The following SLC44A5 variants were observed in gnomAD, a reference collection of about 807,000 sequenced individuals.
SLC44A5 encodes the protein solute carrier family 44 member 5.
A neutral mutation model predicts 101.8 loss-of-function variants in SLC44A5; 57 were observed. The observed-to-expected ratio is 0.56, with a 90% CI of 0.45 to 0.70. The LOEUF is 0.70. Ranked by LOEUF, SLC44A5 falls within the 30% of genes least tolerant of loss-of-function variation. SLC44A5 has a pLI of 0.00. For missense variants in SLC44A5, 737 were observed against 853.1 expected (o/e 0.86, Z 1.70); for synonymous variants, 281 against 290.9 (o/e 0.97, Z 0.35).
At position 75,348,020 on chromosome 1, in the gene SLC44A5, T is replaced by G. The variant is rs1658379789; in HGVS notation, c.53-8390A>C. 2.0e-5 allele frequency among the ~76,000 whole-genome samples: 3 copies of G among 152,186 alleles called. No homozygotes were observed. The South Asian group carries it at 6.2e-4, about 32-fold the overall frequency. ...AAGGAAAACCTAGCATTTAAGAAAA[T>G]GGATTTGCCTCATATTCTTCCATGA... On this transcript the variant is annotated intron_variant, in intron 3 of 23. Transcript: ENST00000370859.
At chr1:75,647,305 C>A in the SLC44A5 span, among the ~76,000 whole-genome samples, 1 of 152,182 alleles carries the variant, frequency 6.6e-6, no homozygotes, top group South Asian at 2.1e-4. Flanking sequence ...TGGGAACCTC[C>A]ACCTAAATTT....
chr1:75,438,252 GT>G (rs1216408838), intron 2 of SLC44A5, among the ~76,000 whole-genome samples: 4 of 152,138 alleles, frequency 2.6e-5, no homozygotes, highest in Admixed American at 6.6e-5. Flanking sequence ...GACAAGTGTA[GT>G]TTTACGACAT....
chr1:75,627,751 T>G, the SLC44A5 span, among the ~76,000 whole-genome samples: 644 of 151,910 alleles, frequency 4.2e-3, 2 homozygotes, highest in Non-Finnish European at 7.2e-3. Flanking sequence ...ACTTTTTAAT[T>G]GAAGAGCTGT....
intron 2 of SLC44A5, among the ~76,000 whole-genome samples, chr1:75,482,148 T>C (rs975977831): frequency 3.9e-5 from 6 of 152,030 alleles, no homozygotes; most frequent in African/African-American, 1.5e-4. Flanking sequence ...GAAATCATCA[T>C]TCTCAGTAAA....
At chr1:75,702,763 G>A in the SLC44A5 span, among the ~76,000 whole-genome samples, 1 of 152,054 alleles carries the variant, frequency 6.6e-6, no homozygotes, top group Non-Finnish European at 1.5e-5. Flanking sequence ...CTACTCATCT[G>A]ACAAAGGGCT....
intron 6 of SLC44A5, among the ~76,000 whole-genome samples, chr1:75,251,790 T>G (rs1649602667): frequency 6.6e-6 from 1 of 152,214 alleles, no homozygotes; most frequent in South Asian, 2.1e-4. Context: ...TTTGGTAATC[T>G]GAAAAAACAT....
intron 2 of SLC44A5, among the ~76,000 whole-genome samples, chr1:75,399,487 G>C (rs1662337766): frequency 6.6e-6 from 1 of 152,176 alleles, no homozygotes; most frequent in African/African-American, 2.4e-5. Context: ...CTAATCAGAA[G>C]AGACTTCAGG....
chr1:75,482,167 A>G (rs1667901517), intron 2 of SLC44A5, among the ~76,000 whole-genome samples: 1 of 151,988 alleles, frequency 6.6e-6, no homozygotes, highest in East Asian at 1.9e-4. Context: ...AACTATCACA[A>G]GGATAAAAAA....
rs545634763 is a variant in SLC44A5, at chr1:75,291,322, A to T, written c.175+9290T>A. Among the ~76,000 whole-genome samples, 65 of 152,272 alleles carry T rather than the reference A, an allele frequency of 4.3e-4. 1 individual carries two copies. The highest frequency in any genetic ancestry group is 1.5e-3 in the African/African-American group (63 of 41,534). On this transcript the variant is annotated intron_variant, in intron 5 of 23. Coordinates refer to ENST00000370859, the MANE Select transcript of SLC44A5 (RefSeq NM_001130058.2). The stretch of plus-strand genomic sequence containing the variant: ...TTTTCCTTCATTCATTGTACAAATA[A>T]TTTCTTCGTTCATTCTACAAATATT...
the SLC44A5 span, among the ~76,000 whole-genome samples, chr1:75,717,531 A>G: frequency 6.6e-6 from 1 of 152,170 alleles, no homozygotes; most frequent in Admixed American, 6.5e-5. Flanking sequence ...TCTGGGTGAC[A>G]AAATAATCTG....
At chr1:75,659,626 C>CA in the SLC44A5 span, among the ~76,000 whole-genome samples, 7 of 35,810 alleles carry the variant, frequency 2.0e-4, no homozygotes, top group African/African-American at 4.5e-4. Context: ...CCCATCTCTA[C>CA]CAAAAAAAAA....
the SLC44A5 span, among the ~76,000 whole-genome samples, chr1:75,629,676 T>C: frequency 6.6e-6 from 1 of 152,086 alleles, no homozygotes. Flanking sequence ...ACAATAACTT[T>C]GCAAACACAT....
At chr1:75,688,848 A>G in the SLC44A5 span, among the ~76,000 whole-genome samples, 1 of 152,050 alleles carries the variant, frequency 6.6e-6, no homozygotes, top group Non-Finnish European at 1.5e-5. Flanking sequence ...TCCTTGTAAT[A>G]CTCCTATCTT....
intron 1 of SLC44A5, among the ~76,000 whole-genome samples, chr1:75,564,720 C>T (rs141925174): frequency 0.02 from 3,074 of 151,898 alleles, 89 homozygotes; most frequent in African/African-American, 0.071. Context: ...CCTGGGCTCA[C>T]GCCATTCTCC....
At chr1:75,562,920 A>C (rs1221936765) in intron 1 of SLC44A5, among the ~76,000 whole-genome samples, 2 of 152,152 alleles carry the variant, frequency 1.3e-5, no homozygotes, top group Non-Finnish European at 2.9e-5. Context: ...AAGGAAAAAC[A>C]CTGACATTTT....
At chr1:75,698,847 G>A in the SLC44A5 span, among the ~76,000 whole-genome samples, 2 of 152,174 alleles carry the variant, frequency 1.3e-5, no homozygotes, top group African/African-American at 2.4e-5. Flanking sequence ...CGAGAACTAC[G>A]TGAAGAATGC....
At chr1:75,541,839 T>G (rs916156233) in intron 1 of SLC44A5, among the ~76,000 whole-genome samples, 1 of 152,156 alleles carries the variant, frequency 6.6e-6, no homozygotes, top group Non-Finnish European at 1.5e-5. Context: ...TGATATTCTA[T>G]CTTATCTTCC....
the SLC44A5 span, among the ~76,000 whole-genome samples, chr1:75,619,676 C>A: frequency 6.6e-6 from 1 of 152,076 alleles, no homozygotes; most frequent in Non-Finnish European, 1.5e-5. Context: ...TGCTTTTAAC[C>A]TCCAAACAGC....
chr1:75,342,904 G>C (rs1026512921), intron 3 of SLC44A5, among the ~76,000 whole-genome samples: 2 of 152,136 alleles, frequency 1.3e-5, no homozygotes, highest in Non-Finnish European at 2.9e-5. Context: ...AGCTGATTCT[G>C]TATAGTAATG....
Sources: gnomAD v4.1 joint callset for allele counts (sites outside exome capture counted in the v4.1 genomes callset) on GRCh38, gnomAD v4.1.1 for gene constraint, MANE v1.5 for transcripts, NCBI Gene and HGNC (gene_info 2026-07-23, HGNC 2026-07-21) for gene names.